Variants in CCDC63 observed in about 807,000 individuals in gnomAD.
The protein encoded by CCDC63 is coiled-coil domain-containing protein 63.
CCDC63 carries 54 observed loss-of-function variants against 63.6 expected under a neutral mutation model. The ratio of observed to expected loss-of-function variants is 0.85; its 90% confidence interval spans 0.68 to 1.07. The LOEUF (loss-of-function observed/expected upper bound fraction) is 1.07. Ranked by LOEUF, CCDC63 falls within the 50% of genes least tolerant of loss-of-function variation. The pLI is 0.00. For synonymous variants in CCDC63, 253 were observed against 266.1 expected (o/e 0.95, Z 0.48); for missense variants, 637 against 689.6 (o/e 0.92, Z 0.86).
Position 110,893,074 on chromosome 12 carries a change from A to G in CCDC63, c.1075-2A>G, listed in dbSNP as rs2071377098. 1 of 1,614,020 alleles carries G rather than the reference A, an allele frequency of 6.2e-7. No individual in the cohort carries two copies. The highest frequency in any genetic ancestry group is 2.2e-5 in the East Asian group (1 of 44,878). On this transcript the variant is annotated splice_acceptor_variant, in intron 8 of 11. Coordinates refer to ENST00000308208, the MANE Select transcript of CCDC63 (RefSeq NM_152591.3). LOFTEE classifies it high-confidence loss of function. ...CTCATGGTCTTGTTCTCTCCCGAGC[A>G]GGACGAGATCATCCTCTTGCGATCC...
intron 7 of CCDC63, among the ~76,000 whole-genome samples, chr12:110,883,608 T>TTTG (rs1555254664): frequency 0.01 from 1,530 of 151,816 alleles, 26 homozygotes; most frequent in African/African-American, 0.033. Flanking sequence ...ATATATATTT[T>TTTG]TTTGTTTGTT....
chr12:110,874,179 C>T (rs1008594353), intron 5 of CCDC63, among the ~76,000 whole-genome samples: 1 of 151,784 alleles, frequency 6.6e-6, no homozygotes. Context: ...AATCCCCCAA[C>T]CTATCTGGGA....
intron 9 of CCDC63, among the ~76,000 whole-genome samples, chr12:110,898,098 G>A (rs1300539294): frequency 6.6e-6 from 1 of 151,060 alleles, no homozygotes; most frequent in African/African-American, 2.4e-5. Context: ...CCTGGGCAAC[G>A]TGGTGAAACC....
At chr12:110,849,904 G>C (rs1250436551) in intron 1 of CCDC63, among the ~76,000 whole-genome samples, 1 of 152,182 alleles carries the variant, frequency 6.6e-6, no homozygotes, top group Non-Finnish European at 1.5e-5. Flanking sequence ...TTGACAAAGG[G>C]AAGTGGGGTT....
chr12:110,901,543 G>GT (rs376566438), intron 10 of CCDC63, among the ~76,000 whole-genome samples: 14 of 151,706 alleles, frequency 9.2e-5, no homozygotes, highest in African/African-American at 3.1e-4. Flanking sequence ...CATTCTTTCT[G>GT]TTTTTTTGTA....
Position 110,881,296 on chromosome 12 carries a change from G to T in CCDC63, c.853G>T (p.Ala285Ser). The change falls in exon 7 of 12, where the codon GCT becomes TCT. Residue 285 changes from alanine to serine, a missense_variant and splice_region_variant. Ala to Ser is a moderately conservative substitution (Grantham distance 99). Transcript: ENST00000308208. Reference protein sequence around the residue: ...EFEEQAKREEALKAKKHVKKN... With the variant: ...EFEEQAKREESLKAKKHVKKN... The stretch of plus-strand genomic sequence containing the variant: ...CGAGGAGCAGGCCAAAAGGGAGGAA[G>T]GTACACCCTCCAGGAGCAAGCTTGT... The T allele has an allele frequency of 6.2e-7, 1 of 1,612,742 alleles. No individual in the cohort carries two copies. The highest frequency in any genetic ancestry group is 1.3e-5 in the African/African-American group (1 of 75,010).
intron 4 of CCDC63, among the ~76,000 whole-genome samples, chr12:110,866,097 C>G (rs2070943512): frequency 6.6e-6 from 1 of 152,142 alleles, no homozygotes; most frequent in South Asian, 2.1e-4. Flanking sequence ...CATGCCTCAG[C>G]CTGCCAAGTA....
In CCDC63 at chr12:110,858,718, G is replaced by A; in HGVS notation, c.312G>A (p.Glu104=). The A allele has an allele frequency of 6.2e-7, 1 of 1,614,104 alleles. No individual in the cohort carries two copies. The highest frequency in any genetic ancestry group is 8.5e-7 in the Non-Finnish European group (1 of 1,180,010). The change falls in exon 4 of 12, where the codon GAG becomes GAA. Residue 104 remains glutamate, a synonymous_variant. Coordinates refer to ENST00000308208, the MANE Select transcript of CCDC63 (RefSeq NM_152591.3). ...TGCGACTCCTGCTCCAAACTAAGGA[G>A]GACTATGAGGCATTGATTAAATCCC... ...MELRLLLQTK[E]DYEALIKSLK... is the part of the protein sequence containing the mutation.
chr12:110,893,280 C>G, intron 9 of CCDC63, 130 bp downstream of exon 9: 1 of 711,702 alleles, frequency 1.4e-6, no homozygotes. Context: ...GAGGTCTGCC[C>G]CATGACTCAG....
rs979140347 is a variant in CCDC63 at position 110,890,838 on chromosome 12, G to A, written c.1075-2238G>A. Among the ~76,000 whole-genome samples the A allele has an allele frequency of 5.5e-5, 8 of 146,410 alleles. No homozygotes were observed. The South Asian group carries it at 8.6e-4, about 16-fold the overall frequency. ...TATCGCCTGGCTGGAGTGCAGTGGC[G>A]GGATCTCGGCTCATTGCAACCTCCG... On this transcript the variant is annotated intron_variant, in intron 8 of 11. Transcript: ENST00000308208.
intron 4 of CCDC63, among the ~76,000 whole-genome samples, chr12:110,871,037 G>T (rs2071058856): frequency 6.6e-6 from 1 of 152,172 alleles, no homozygotes; most frequent in Non-Finnish European, 1.5e-5. Flanking sequence ...CTTTGCCTCA[G>T]TTTCCATCCA....
intron 7 of CCDC63, among the ~76,000 whole-genome samples, chr12:110,882,484 A>G (rs1454396469): frequency 6.6e-6 from 1 of 151,788 alleles, no homozygotes; most frequent in East Asian, 1.9e-4. Context: ...AAAAAAGCAG[A>G]TCCTAAGTCC....
At chr12:110,904,121 T>C (rs2339598) in intron 10 of CCDC63, among the ~76,000 whole-genome samples, 50,919 of 151,970 alleles carry the variant, frequency 0.34, 8,694 homozygotes, top group African/African-American at 0.36. Flanking sequence ...TTTAGGAGGC[T>C]GATGCGGAAG....
At chr12:110,854,423 T>A (rs1229290563) in intron 3 of CCDC63, among the ~76,000 whole-genome samples, 1 of 151,394 alleles carries the variant, frequency 6.6e-6, no homozygotes, top group African/African-American at 2.4e-5. Flanking sequence ...GCTTCCTGAG[T>A]AGCTGGGATT....
At position 110,904,658 on chromosome 12, in the gene CCDC63, G is replaced by A. The variant is rs1430609055; in HGVS notation, c.1413G>A (p.Gly471=). ...ETYRRILEVE[G]AEAEIPPPFI... is the part of the protein sequence containing the mutation. ...ACAGGCGCATCCTGGAAGTGGAAGG[G>A]GCAGAGGCTGAGATCCCGCCACCCT... The change falls in exon 11 of 12, where the codon GGG becomes GGA. Residue 471 remains glycine, a synonymous_variant. Coordinates refer to ENST00000308208, the MANE Select transcript of CCDC63 (RefSeq NM_152591.3). 1 of 1,613,956 alleles carries A rather than the reference G, an allele frequency of 6.2e-7. No individual in the cohort carries two copies. The highest frequency in any genetic ancestry group is 1.3e-5 in the African/African-American group (1 of 74,880).
intron 10 of CCDC63, among the ~76,000 whole-genome samples, chr12:110,900,756 C>T (rs543095858): frequency 2.6e-4 from 39 of 152,268 alleles, no homozygotes; most frequent in Admixed American, 2.6e-4. Context: ...CACGCCACCA[C>T]GCCCAGCTAA....
rs1268430740 is a variant in CCDC63 at position 110,873,968 on chromosome 12, A to G, written c.489+7A>G. ...GGAAACCCGTTTGAATCTCGTATGTAAAGTGTTCTCTGCAGCTCTGCAAAC... is the reference window on the plus strand; with the variant it reads ...GGAAACCCGTTTGAATCTCGTATGTGAAGTGTTCTCTGCAGCTCTGCAAAC... On this transcript the variant is annotated splice_region_variant and intron_variant, in intron 5 of 11. Coordinates refer to ENST00000308208, the MANE Select transcript of CCDC63 (RefSeq NM_152591.3). 1 of 1,608,670 alleles carries G rather than the reference A, an allele frequency of 6.2e-7. No homozygotes were observed. The highest frequency in any genetic ancestry group is 8.5e-7 in the Non-Finnish European group (1 of 1,177,774).
At chr12:110,863,903 T>C (rs191315770) in intron 4 of CCDC63, among the ~76,000 whole-genome samples, 349 of 152,354 alleles carry the variant, frequency 2.3e-3, no homozygotes, top group Admixed American at 5.0e-3. Context: ...CCTTCTTTAC[T>C]GGTCTGCTCC....
intron 9 of CCDC63, among the ~76,000 whole-genome samples, 199 bp downstream of exon 9, chr12:110,893,349 C>T (rs2071381224): frequency 6.6e-6 from 1 of 152,206 alleles, no homozygotes; most frequent in Non-Finnish European, 1.5e-5. Context: ...GCCTCTGCTA[C>T]AATGTCATTG....
Sources: allele counts gnomAD v4.1 joint callset (sites outside exome capture counted in the v4.1 genomes callset), GRCh38; gene constraint gnomAD v4.1.1; transcripts MANE v1.5; gene names NCBI Gene and HGNC (gene_info 2026-07-23, HGNC 2026-07-21).